SYT1: variants seen among roughly 807,000 people sequenced by gnomAD.
SYT1 encodes synaptotagmin-1.
Under a neutral mutation model 44.8 loss-of-function variants are expected in SYT1, and 8 were observed. That is an observed-to-expected ratio of 0.18 (90% CI 0.10 to 0.32). SYT1 has a LOEUF of 0.32. Among genes scored for constraint, SYT1 ranks in the 10% least tolerant of loss-of-function variants. The pLI is 1.00. For missense variants in SYT1, 286 were observed against 509.3 expected (o/e 0.56, Z 4.22); for synonymous variants, 154 against 188.8 (o/e 0.82, Z 1.51).
intron 4 of SYT1, among the ~76,000 whole-genome samples, chr12:79,250,916 G>A (rs534432423): frequency 6.6e-6 from 1 of 152,214 alleles, no homozygotes; most frequent in East Asian, 1.9e-4. Context: ...CTACATGTTG[G>A]TTATCTGGCA....
intron 3 of SYT1, among the ~76,000 whole-genome samples, chr12:79,121,771 T>C (rs1378817772): frequency 6.6e-6 from 1 of 152,234 alleles, no homozygotes; most frequent in Non-Finnish European, 1.5e-5. Context: ...AAGTATTGTC[T>C]TTAATGTCCT....
At chr12:79,126,559 A>G (rs1200798942) in intron 3 of SYT1, among the ~76,000 whole-genome samples, 2 of 152,074 alleles carry the variant, frequency 1.3e-5, no homozygotes, top group Non-Finnish European at 2.9e-5. Context: ...ATACCCGGCC[A>G]AAAGTGTTTA....
At chr12:79,061,572 C>T (rs1433166749) in intron 3 of SYT1, among the ~76,000 whole-genome samples, 1 of 151,952 alleles carries the variant, frequency 6.6e-6, no homozygotes, top group African/African-American at 2.4e-5. Flanking sequence ...ACAGTCTCCA[C>T]CCTGGAAAAA....
chr12:78,912,744 G>A (rs2137132414), intron 1 of SYT1, among the ~76,000 whole-genome samples: 1 of 152,028 alleles, frequency 6.6e-6, no homozygotes, highest in South Asian at 2.1e-4. Context: ...GGCATCATGT[G>A]TTGGTAGGAC....
chr12:79,144,138 A>G (rs2138226842), intron 3 of SYT1, among the ~76,000 whole-genome samples: 1 of 152,292 alleles, frequency 6.6e-6, no homozygotes, highest in East Asian at 1.9e-4. Context: ...TTTACAATGC[A>G]TCAAATTACT....
intron 3 of SYT1, among the ~76,000 whole-genome samples, chr12:79,086,327 C>T (rs1020614249): frequency 6.6e-6 from 1 of 152,030 alleles, no homozygotes; most frequent in Non-Finnish European, 1.5e-5. Flanking sequence ...TCCTACTTTC[C>T]TGTCAAGATA....
chr12:79,308,611 A>C (rs1466647968), intron 8 of SYT1, among the ~76,000 whole-genome samples: 1 of 37,332 alleles, frequency 2.7e-5, no homozygotes, highest in Non-Finnish European at 5.9e-5. Context: ...AGAAAGAAAG[A>C]AAAAGAAAGA....
At chr12:79,365,715 C>A (rs561897177) in intron 9 of SYT1, among the ~76,000 whole-genome samples, 1 of 150,434 alleles carries the variant, frequency 6.6e-6, no homozygotes, top group Admixed American at 6.7e-5. Flanking sequence ...TACATTTATA[C>A]AATGTCATTA....
At chr12:79,188,175 G>A (rs1872912123) in intron 3 of SYT1, among the ~76,000 whole-genome samples, 1 of 151,896 alleles carries the variant, frequency 6.6e-6, no homozygotes, top group Admixed American at 6.6e-5. Flanking sequence ...TTCATCCAGA[G>A]ATTTTTATAA....
At chr12:78,880,432 TAC>T (rs1443366538) in intron 1 of SYT1, among the ~76,000 whole-genome samples, 4 of 151,718 alleles carry the variant, frequency 2.6e-5, no homozygotes, top group Admixed American at 1.3e-4. Flanking sequence ...ACTCTTTGAA[TAC>T]AGTTTTTAAA....
In SYT1 at chr12:79,318,180, G is replaced by A. The variant is rs749801145; in HGVS notation, c.810+18629G>A. On this transcript the variant is annotated intron_variant, in intron 8 of 10. Coordinates refer to ENST00000261205, the MANE Select transcript of SYT1 (RefSeq NM_005639.3). ...AGATTGAAAAAGGCCTGGAACCAGAGGCCAACTTTGGATATTAGGAAAGTC... is the reference window on the plus strand; with the variant it reads ...AGATTGAAAAAGGCCTGGAACCAGAAGCCAACTTTGGATATTAGGAAAGTC... Among the ~76,000 whole-genome samples, 309 of 152,286 alleles carry A rather than the reference G, an allele frequency of 2.0e-3. 1 individual carries two copies. Among genetic ancestry groups the A allele is most frequent in the Non-Finnish European group, 2.8e-3 (190 of 68,022 alleles).
intron 8 of SYT1, among the ~76,000 whole-genome samples, chr12:79,327,934 C>T (rs573279248): frequency 6.6e-5 from 10 of 152,056 alleles, no homozygotes; most frequent in East Asian, 3.9e-4. Flanking sequence ...AGGGGAATGG[C>T]GTGAGGGGTA....
chr12:79,365,834 G>GGAAAAA lies in SYT1; in HGVS notation c.928+12215_928+12216insGAAAAA, dbSNP rs768045501. Among the ~76,000 whole-genome samples, 7 of 104,118 alleles carry GGAAAAA rather than the reference G, an allele frequency of 6.7e-5. No homozygotes were observed. In the East Asian group the frequency reaches 1.3e-3, roughly 19 times the overall value. 68.3% of individuals were successfully genotyped at this position (104,118 alleles called of 152,430 possible). ...CCTAGACTGATTGCAAAGAGTACCA[G>GGAAAAA]AAAAAAAAAAAAAAAAGCAGGTCAT... is the stretch of plus-strand genomic sequence containing the variant. On this transcript the variant is annotated intron_variant, in intron 9 of 10. Coordinates refer to ENST00000261205, the MANE Select transcript of SYT1 (RefSeq NM_005639.3).
At chr12:79,345,042 A>G (rs1044467699) in intron 8 of SYT1, among the ~76,000 whole-genome samples, 56 of 152,098 alleles carry the variant, frequency 3.7e-4, no homozygotes, top group African/African-American at 1.3e-3. Context: ...TGCCTAGAAC[A>G]CTCATGCCCT....
At chr12:79,020,592 A>G (rs539185301) in intron 2 of SYT1, among the ~76,000 whole-genome samples, 2 of 152,068 alleles carry the variant, frequency 1.3e-5, no homozygotes, top group African/African-American at 2.4e-5. Flanking sequence ...GCATTATAGT[A>G]TATGCACCAG....
Position 79,449,200 on chromosome 12 carries a change from G to T in SYT1, c.*76G>T. 7 of 1,417,026 alleles carry T rather than the reference G, an allele frequency of 4.9e-6. No individual in the cohort carries two copies. The South Asian group carries it at 7.8e-5, about 16-fold the overall frequency. The allele number at this position is 1,417,026 out of a possible 1,614,324, so 87.8% of individuals were successfully genotyped here. Reference sequence around the variant, plus strand: ...TATCTGTAAATACCTCAGTAATATGGGTCCTTTCATTTTTCCAGCCATGCA... The same window carrying T: ...TATCTGTAAATACCTCAGTAATATGTGTCCTTTCATTTTTCCAGCCATGCA... On this transcript the variant is annotated 3_prime_UTR_variant, in exon 11 of 11. Transcript: ENST00000261205.
At chr12:79,413,577 T>C (rs1020452125) in intron 9 of SYT1, among the ~76,000 whole-genome samples, 11 of 152,190 alleles carry the variant, frequency 7.2e-5, no homozygotes, top group African/African-American at 2.4e-4. Flanking sequence ...CATTTCCTGA[T>C]ATTTGCTAAG....
At chr12:78,988,497 G>A (rs563816599) in intron 2 of SYT1, among the ~76,000 whole-genome samples, 18 of 151,042 alleles carry the variant, frequency 1.2e-4, no homozygotes, top group African/African-American at 1.7e-4. Flanking sequence ...ATGTACATAC[G>A]GTGAAATTTA....
intron 1 of SYT1, among the ~76,000 whole-genome samples, chr12:78,914,467 C>A (rs1326566996): frequency 1.1e-5 from 1 of 93,322 alleles, no homozygotes; most frequent in Non-Finnish European, 2.1e-5. Flanking sequence ...CCTACTATAA[C>A]AGCAACAAAT....
Sources: gnomAD v4.1 joint callset for allele counts (sites outside exome capture counted in the v4.1 genomes callset) on GRCh38, gnomAD v4.1.1 for gene constraint, MANE v1.5 for transcripts, NCBI Gene and HGNC (gene_info 2026-07-23, HGNC 2026-07-21) for gene names.